Variants in RERG observed in about 807,000 individuals in gnomAD.
The protein encoded by RERG is ras-related and estrogen-regulated growth inhibitor.
A neutral mutation model predicts 23.2 loss-of-function variants in RERG; 25 were observed. That is an observed-to-expected ratio of 1.08 (90% CI 0.79 to 1.50). RERG has a LOEUF of 1.50. Among genes scored for constraint, RERG ranks in the 40% most tolerant of loss-of-function variants. RERG has a pLI of 0.00. For missense variants in RERG, 253 were observed against 250.1 expected (o/e 1.01, Z -0.08); for synonymous variants, 81 against 89.1 (o/e 0.91, Z 0.51).
intron 2 of RERG, among the ~76,000 whole-genome samples, chr12:15,212,723 C>T (rs907834662): frequency 7.9e-5 from 12 of 152,008 alleles, no homozygotes; most frequent in East Asian, 3.9e-4. Flanking sequence ...ACCCAAGATG[C>T]GACTGAGGTT....
chr12:15,138,412 A>G (rs929110645), intron 2 of RERG, among the ~76,000 whole-genome samples: 4 of 151,970 alleles, frequency 2.6e-5, no homozygotes, highest in African/African-American at 9.7e-5. Context: ...ACCAGTTTCT[A>G]TTGACATATC....
chr12:15,150,591 TTA>T (rs1408748352), intron 2 of RERG, among the ~76,000 whole-genome samples: 1 of 152,234 alleles, frequency 6.6e-6, no homozygotes, highest in Non-Finnish European at 1.5e-5. Context: ...TTCTAGGGAC[TTA>T]GTTTTCTCCA....
At chr12:15,212,515 T>A (rs928645027) in intron 2 of RERG, among the ~76,000 whole-genome samples, 2 of 152,228 alleles carry the variant, frequency 1.3e-5, no homozygotes, top group Non-Finnish European at 2.9e-5. Flanking sequence ...AATACTTACA[T>A]GATTATGAGA....
At chr12:15,181,897 C>A (rs1864927952) in intron 2 of RERG, among the ~76,000 whole-genome samples, 1 of 152,084 alleles carries the variant, frequency 6.6e-6, no homozygotes, top group Non-Finnish European at 1.5e-5. Context: ...ATTCATAGAG[C>A]AAACTCTGGG....
At chr12:15,176,918 T>A (rs1864858459) in intron 2 of RERG, among the ~76,000 whole-genome samples, 1 of 152,226 alleles carries the variant, frequency 6.6e-6, no homozygotes, top group South Asian at 2.1e-4. Flanking sequence ...ACACATACAC[T>A]TTTTTAAATA....
At chr12:15,163,993 C>G (rs1379595885) in intron 2 of RERG, among the ~76,000 whole-genome samples, 1 of 152,104 alleles carries the variant, frequency 6.6e-6, no homozygotes, top group Non-Finnish European at 1.5e-5. Flanking sequence ...CTGCTACTAC[C>G]TCACATTGGC....
At chr12:15,141,254 C>G (rs1291368142) in intron 2 of RERG, among the ~76,000 whole-genome samples, 1 of 151,458 alleles carries the variant, frequency 6.6e-6, no homozygotes, top group Non-Finnish European at 1.5e-5. Context: ...CTCCCAAGTT[C>G]AAGCTATTCT....
At chr12:15,136,977 C>G (rs888580997) in intron 2 of RERG, among the ~76,000 whole-genome samples, 1 of 151,908 alleles carries the variant, frequency 6.6e-6, no homozygotes, top group Non-Finnish European at 1.5e-5. Flanking sequence ...TGCTGGATCT[C>G]TCCATTTCTG....
intron 2 of RERG, among the ~76,000 whole-genome samples, chr12:15,168,658 T>C (rs1864731108): frequency 2.0e-5 from 3 of 152,186 alleles, no homozygotes; most frequent in Admixed American, 1.3e-4. Context: ...AAGCAGTTTC[T>C]CAAATGTGTG....
At chr12:15,133,560 C>T (rs2136097276) in intron 2 of RERG, among the ~76,000 whole-genome samples, 1 of 152,144 alleles carries the variant, frequency 6.6e-6, no homozygotes, top group East Asian at 1.9e-4. Flanking sequence ...TATCCACGGG[C>T]AGGTTTTTGT....
At chr12:15,161,067 G>A (rs911206023) in intron 2 of RERG, among the ~76,000 whole-genome samples, 1 of 151,542 alleles carries the variant, frequency 6.6e-6, no homozygotes, top group East Asian at 1.9e-4. Flanking sequence ...CCCAGGAGGC[G>A]GAGGCTGCAG....
intron 2 of RERG, among the ~76,000 whole-genome samples, chr12:15,126,714 CTTTT>C (rs377034134): frequency 6.4e-4 from 55 of 85,724 alleles, no homozygotes; most frequent in South Asian, 2.2e-3. Context: ...ATTTCTTTTT[CTTTT>C]TCTTTCTTTT....
intron 2 of RERG, among the ~76,000 whole-genome samples, chr12:15,133,301 G>C (rs1307756180): frequency 1.3e-5 from 2 of 151,552 alleles, no homozygotes; most frequent in Non-Finnish European, 1.5e-5. Flanking sequence ...TGTCACCATA[G>C]TGCTGCCTTT....
intron 3 of RERG, among the ~76,000 whole-genome samples, chr12:15,117,015 T>C (rs919442659): frequency 4.6e-5 from 7 of 152,164 alleles, no homozygotes; most frequent in Non-Finnish European, 7.3e-5. Flanking sequence ...AATTTCACTG[T>C]GAGAGATGTA....
intron 2 of RERG, among the ~76,000 whole-genome samples, chr12:15,176,314 TTTTCCTAGTTTC>T (rs1253475412): frequency 6.6e-6 from 1 of 152,184 alleles, no homozygotes; most frequent in African/African-American, 2.4e-5. Context: ...GAAGCCTACA[TTTTCCTAGTTTC>T]TTTCAGCACC....
At chr12:15,220,539 A>G (rs1236046910) in intron 1 of RERG, among the ~76,000 whole-genome samples, 4 of 129,148 alleles carry the variant, frequency 3.1e-5, no homozygotes, top group Non-Finnish European at 1.8e-5. Context: ...TTACTTACTT[A>G]TTTAAAGAAA....
At chr12:15,175,604 C>T (rs976011509) in intron 2 of RERG, among the ~76,000 whole-genome samples, 1 of 152,050 alleles carries the variant, frequency 6.6e-6, no homozygotes, top group Non-Finnish European at 1.5e-5. Flanking sequence ...CATCTCATTT[C>T]CCTTATCTAC....
chr12:15,111,465 G>T (rs1316278933), intron 3 of RERG, 48 bp from the exon 4 acceptor site: 4 of 1,414,610 alleles, frequency 2.8e-6, no homozygotes, highest in East Asian at 4.6e-5. Context: ...ATAAATGCAA[G>T]ATTTAATTTG....
chr12:15,160,872 C>T (rs920487548), intron 2 of RERG, among the ~76,000 whole-genome samples: 4 of 151,074 alleles, frequency 2.6e-5, no homozygotes, highest in Non-Finnish European at 4.4e-5. Context: ...CGCAATGGCT[C>T]CCACCTGTAA....
Sources: gnomAD v4.1 joint callset for allele counts (sites outside exome capture counted in the v4.1 genomes callset) on GRCh38, gnomAD v4.1.1 for gene constraint, MANE v1.5 for transcripts, NCBI Gene and HGNC (gene_info 2026-07-23, HGNC 2026-07-21) for gene names.